Variants in AGBL4 observed in about 807,000 individuals in gnomAD.
AGBL4 encodes AGBL carboxypeptidase 4, also known as cytosolic carboxypeptidase 6.
AGBL4 carries 58 observed loss-of-function variants against 66.4 expected under a neutral mutation model. The observed-to-expected ratio is 0.87, with a 90% CI of 0.71 to 1.09. The LOEUF (loss-of-function observed/expected upper bound fraction) is 1.09. Among genes scored for constraint, AGBL4 ranks in the 50% least tolerant of loss-of-function variants. AGBL4 has a pLI of 0.00. For missense variants in AGBL4, 579 were observed against 631.0 expected (o/e 0.92, Z 0.88); for synonymous variants, 234 against 222.9 (o/e 1.05, Z -0.44).
intron 2 of AGBL4, among the ~76,000 whole-genome samples, chr1:49,840,303 A>T (rs2148037685): frequency 6.6e-6 from 1 of 152,194 alleles, no homozygotes; most frequent in Non-Finnish European, 1.5e-5. Context: ...TTTCTGTGGG[A>T]ATAGTTGTAA....
chr1:49,537,645 C>A lies in AGBL4; in HGVS notation c.282+159668G>T, dbSNP rs143942765. On this transcript the variant is annotated intron_variant, in intron 3 of 13. Coordinates refer to ENST00000371839, the MANE Select transcript of AGBL4 (RefSeq NM_032785.4). ...AGAATGACAAGGGTAAGTCAGCAGG[C>A]TGGGCATGGTGGCTCACGCCTGTAA... 3.2e-4 allele frequency among the ~76,000 whole-genome samples: 48 copies of A among 152,278 alleles called. 1 individual carries two copies. The East Asian group carries it at 7.2e-3, about 23-fold the overall frequency.
chr1:49,711,781 C>G (rs1647685953), intron 2 of AGBL4, among the ~76,000 whole-genome samples: 1 of 151,870 alleles, frequency 6.6e-6, no homozygotes. Context: ...TCTCATTTTC[C>G]CTTGGAATGT....
chr1:49,830,557 T>C (rs962859304), intron 2 of AGBL4, among the ~76,000 whole-genome samples: 6 of 152,222 alleles, frequency 3.9e-5, no homozygotes, highest in African/African-American at 7.2e-5. Flanking sequence ...TTTTGTGAGT[T>C]GCCTGTTCAC....
chr1:49,488,126 C>A (rs2148737786), intron 3 of AGBL4, among the ~76,000 whole-genome samples: 1 of 151,652 alleles, frequency 6.6e-6, no homozygotes, highest in Admixed American at 6.6e-5. Context: ...TACTGAATAC[C>A]CAGATTTAAT....
At chr1:49,874,401 T>A (rs1319011348) in intron 1 of AGBL4, among the ~76,000 whole-genome samples, 1 of 152,092 alleles carries the variant, frequency 6.6e-6, no homozygotes, top group Non-Finnish European at 1.5e-5. Context: ...ATCTTGATTA[T>A]AGTGAAGGTT....
Position 49,121,830 on chromosome 1 carries a change from G to C in AGBL4, c.378-76030C>G, listed in dbSNP as rs923735491. Among the ~76,000 whole-genome samples the C allele has an allele frequency of 5.3e-5, 8 of 152,360 alleles. No individual in the cohort carries two copies. In the South Asian group the frequency reaches 8.3e-4, roughly 16 times the overall value. On this transcript the variant is annotated intron_variant, in intron 4 of 13. Coordinates refer to ENST00000371839, the MANE Select transcript of AGBL4 (RefSeq NM_032785.4). The stretch of plus-strand genomic sequence containing the variant: ...TGCCCACAGAGGTGGAGTCTATAGA[G>C]GCAGCAGGCCTTGCTGAGCTGCAGT...
intron 3 of AGBL4, among the ~76,000 whole-genome samples, chr1:49,428,670 C>G (rs1256786530): frequency 6.6e-6 from 1 of 152,156 alleles, no homozygotes; most frequent in African/African-American, 2.4e-5. Context: ...CTGTTTAGGG[C>G]AACACTCTAC....
intron 3 of AGBL4, among the ~76,000 whole-genome samples, chr1:49,414,107 C>T (rs1645376136): frequency 1.3e-5 from 2 of 152,078 alleles, no homozygotes; most frequent in African/African-American, 2.4e-5. Context: ...CCTTAAGGTT[C>T]TATACATTCT....
intron 6 of AGBL4, among the ~76,000 whole-genome samples, chr1:48,858,749 G>A (rs900517245): frequency 2.6e-5 from 4 of 152,108 alleles, no homozygotes; most frequent in African/African-American, 9.7e-5. Context: ...CTGGAACTAG[G>A]TAGTGGTAAT....
chr1:49,751,693 G>C (rs993681665), intron 2 of AGBL4, among the ~76,000 whole-genome samples: 1 of 152,168 alleles, frequency 6.6e-6, no homozygotes, highest in African/African-American at 2.4e-5. Flanking sequence ...GAATTCGGCT[G>C]TGAATCCGTC....
At chr1:49,420,456 G>A (rs572845230) in intron 3 of AGBL4, among the ~76,000 whole-genome samples, 9 of 152,058 alleles carry the variant, frequency 5.9e-5, no homozygotes, top group African/African-American at 2.2e-4. Flanking sequence ...ATCCCAGCAC[G>A]TTGGGAGGCC....
intron 6 of AGBL4, among the ~76,000 whole-genome samples, chr1:48,758,459 T>G (rs1644063843): frequency 6.6e-6 from 1 of 152,230 alleles, no homozygotes; most frequent in Non-Finnish European, 1.5e-5. Context: ...CTCCAACCCC[T>G]GAATTCTCAT....
chr1:49,619,036 G>C (rs1645305677), intron 3 of AGBL4, among the ~76,000 whole-genome samples: 1 of 152,156 alleles, frequency 6.6e-6, no homozygotes, highest in African/African-American at 2.4e-5. Context: ...AAACCTGGAA[G>C]CATTCCCTTC....
intron 4 of AGBL4, among the ~76,000 whole-genome samples, chr1:49,232,680 C>A (rs1054268993): frequency 6.7e-6 from 1 of 149,332 alleles, no homozygotes; most frequent in African/African-American, 2.5e-5. Context: ...GCCTGGGTGA[C>A]AGAGCGAGAC....
chr1:49,455,413 T>C (rs1424358344), intron 3 of AGBL4, among the ~76,000 whole-genome samples: 1 of 151,676 alleles, frequency 6.6e-6, no homozygotes, highest in Non-Finnish European at 1.5e-5. Context: ...TATATAGCAC[T>C]ATAGAAATTA....
At chr1:49,571,636 C>A (rs528454154) in intron 3 of AGBL4, among the ~76,000 whole-genome samples, 2 of 152,186 alleles carry the variant, frequency 1.3e-5, no homozygotes, top group African/African-American at 4.8e-5. Context: ...AAGTGGACAT[C>A]TTTCTCTTGT....
intron 3 of AGBL4, among the ~76,000 whole-genome samples, chr1:49,349,227 T>G (rs1645699851): frequency 1.3e-5 from 2 of 152,218 alleles, no homozygotes; most frequent in Admixed American, 1.3e-4. Context: ...TATTTAGAAC[T>G]ATGGGGCATA....
chr1:49,708,260 C>G (rs891574115), intron 2 of AGBL4, among the ~76,000 whole-genome samples: 4 of 151,930 alleles, frequency 2.6e-5, no homozygotes, highest in African/African-American at 9.7e-5. Context: ...CCTTTTCATT[C>G]TTTTTACTCT....
chr1:48,704,454 G>A (rs895401105), intron 6 of AGBL4, among the ~76,000 whole-genome samples: 2 of 151,930 alleles, frequency 1.3e-5, no homozygotes, highest in African/African-American at 4.8e-5. Flanking sequence ...TTAACTTTTT[G>A]ACTCTTAATA....
Sources: allele counts gnomAD v4.1 joint callset (sites outside exome capture counted in the v4.1 genomes callset), GRCh38; gene constraint gnomAD v4.1.1; transcripts MANE v1.5; gene names NCBI Gene and HGNC (gene_info 2026-07-23, HGNC 2026-07-21).